ARMH3: variants seen among roughly 807,000 people sequenced by gnomAD.
The protein encoded by ARMH3 is armadillo-like helical domain-containing protein 3.
In ARMH3, 60 loss-of-function variants were observed where a neutral mutation model predicts 99.1. The ratio of observed to expected loss-of-function variants is 0.61; its 90% CI spans 0.49 to 0.75. ARMH3 has a LOEUF of 0.75. Ranked by LOEUF, ARMH3 falls within the 30% of genes least tolerant of loss-of-function variation. The pLI is 0.00. For synonymous variants in ARMH3, 285 were observed against 292.8 expected (o/e 0.97, Z 0.27); for missense variants, 679 against 843.1 (o/e 0.81, Z 2.41).
intron 18 of ARMH3, among the ~76,000 whole-genome samples, chr10:101,991,598 C>T (rs1439206784): frequency 6.6e-6 from 1 of 152,190 alleles, no homozygotes; most frequent in Non-Finnish European, 1.5e-5. Flanking sequence ...CCAAGCTGAT[C>T]TCAAACTCCT....
intron 2 of ARMH3, among the ~76,000 whole-genome samples, chr10:102,036,925 G>A (rs1228913648): frequency 1.3e-5 from 2 of 150,872 alleles, no homozygotes; most frequent in African/African-American, 4.9e-5. Flanking sequence ...GGTGGCATGC[G>A]CCTATAATCC....
chr10:102,006,693 G>T, intron 13 of ARMH3, 60 bp from the exon 14 acceptor site: 1 of 1,498,784 alleles, frequency 6.7e-7, no homozygotes, highest in Non-Finnish European at 9.3e-7. Context: ...TGAGTATCAA[G>T]TGCCTAATAC....
At chr10:102,014,685 T>A (rs1197474735) in intron 8 of ARMH3, among the ~76,000 whole-genome samples, 1 of 152,194 alleles carries the variant, frequency 6.6e-6, no homozygotes, top group East Asian at 1.9e-4. Context: ...GACACTGGAA[T>A]TTAATGATTG....
chr10:101,926,909 G>A (rs534955425), intron 23 of ARMH3, among the ~76,000 whole-genome samples: 10 of 152,240 alleles, frequency 6.6e-5, no homozygotes, highest in Non-Finnish European at 1.2e-4. Context: ...AGAGCTGGCC[G>A]GGAAAGAACA....
chr10:101,944,856 C>G (rs1302900673), intron 22 of ARMH3, among the ~76,000 whole-genome samples: 1 of 151,772 alleles, frequency 6.6e-6, no homozygotes, highest in Non-Finnish European at 1.5e-5. Flanking sequence ...ATATTATGCA[C>G]AGAGAAACAA....
chr10:101,902,000 A>G (rs1314574618), intron 23 of ARMH3, among the ~76,000 whole-genome samples: 1 of 152,196 alleles, frequency 6.6e-6, no homozygotes, highest in East Asian at 1.9e-4. Flanking sequence ...AGCTTTATTA[A>G]TGAGTTAGCA....
chr10:102,003,023 T>C (rs1189073535), intron 14 of ARMH3, among the ~76,000 whole-genome samples: 3 of 151,684 alleles, frequency 2.0e-5, no homozygotes, highest in Non-Finnish European at 4.4e-5. Flanking sequence ...ACATTACTGA[T>C]TGGAACAGCC....
intron 8 of ARMH3, among the ~76,000 whole-genome samples, chr10:102,018,078 C>T (rs560398890): frequency 6.6e-6 from 1 of 152,172 alleles, no homozygotes; most frequent in Non-Finnish European, 1.5e-5. Flanking sequence ...AGTCAGGTTG[C>T]CTCAGTGCAG....
intron 18 of ARMH3, among the ~76,000 whole-genome samples, chr10:101,991,659 G>C (rs1432040145): frequency 1.3e-5 from 2 of 152,180 alleles, no homozygotes; most frequent in Non-Finnish European, 2.9e-5. Flanking sequence ...GTGATTACAG[G>C]TGTGAGCCAC....
intron 22 of ARMH3, among the ~76,000 whole-genome samples, chr10:101,953,614 A>C (rs1844898437): frequency 6.6e-6 from 1 of 151,352 alleles, no homozygotes; most frequent in African/African-American, 2.4e-5. Context: ...TATAGATGGC[A>C]AATAAGGACA....
intron 19 of ARMH3, among the ~76,000 whole-genome samples, chr10:101,979,317 C>T (rs1446408886): frequency 1.3e-5 from 2 of 152,062 alleles, no homozygotes; most frequent in Non-Finnish European, 2.9e-5. Context: ...GGAATGGCTA[C>T]AACATGGATG....
intron 1 of ARMH3, among the ~76,000 whole-genome samples, chr10:102,049,774 C>CTCAA (rs1235478070): frequency 1.3e-5 from 2 of 151,748 alleles, no homozygotes; most frequent in Non-Finnish European, 2.9e-5. Flanking sequence ...CCAGGTTGGT[C>CTCAA]TCAAACTCCT....
intron 24 of ARMH3, among the ~76,000 whole-genome samples, chr10:101,861,945 A>T (rs957813298): frequency 1.4e-5 from 2 of 141,860 alleles, no homozygotes; most frequent in African/African-American, 5.2e-5. Context: ...AGCACTCGGG[A>T]GGCTGAGGCA....
chr10:102,040,123 A>C lies in ARMH3; in HGVS notation c.-9T>G, dbSNP rs2067374903. On this transcript the variant is annotated splice_region_variant and 5_prime_UTR_variant, in exon 2 of 26. It adds an upstream start codon to the 5' untranslated region. Transcript: ENST00000370033. Reference sequence around the variant, plus strand: ...TTCTCTACCTGTGCCATGGTTAGAGAATCTGTGAACAGAAAGTCACATTTT... The same window carrying C: ...TTCTCTACCTGTGCCATGGTTAGAGCATCTGTGAACAGAAAGTCACATTTT... 6.2e-7 allele frequency: 1 copy of C among 1,611,582 alleles called. No individual in the cohort carries two copies. The highest frequency in any genetic ancestry group is 8.5e-7 in the Non-Finnish European group (1 of 1,177,718).
At position 102,009,410 on chromosome 10, in the gene ARMH3, A is replaced by G; in HGVS notation, c.918T>C (p.Val306=). 2 of 1,614,140 alleles carry G rather than the reference A, an allele frequency of 1.2e-6. No homozygotes were observed. Among genetic ancestry groups the G allele is most frequent in the Non-Finnish European group, 1.7e-6 (2 of 1,179,994 alleles). ...EAILLALYEA[V]HLNRNFITVL... is the part of the protein sequence containing the mutation. ...CTGTGATGAAGTTGCGATTTAAATGAACAGCTTCATAAAGTGCCAGAAGAA... is the reference window on the plus strand; with the variant it reads ...CTGTGATGAAGTTGCGATTTAAATGGACAGCTTCATAAAGTGCCAGAAGAA... Residue 306 remains valine (V), a synonymous_variant, in exon 13 of 26, where the codon GTT becomes GTC. Transcript: ENST00000370033.
At chr10:101,888,981 A>G (rs781359479) in intron 24 of ARMH3, among the ~76,000 whole-genome samples, 3 of 152,212 alleles carry the variant, frequency 2.0e-5, no homozygotes, top group Non-Finnish European at 4.4e-5. Flanking sequence ...ATTACTAAGG[A>G]AAATCTGTCC....
At chr10:101,922,214 T>TTC (rs1487415675) in intron 23 of ARMH3, among the ~76,000 whole-genome samples, 1 of 152,208 alleles carries the variant, frequency 6.6e-6, no homozygotes, top group Non-Finnish European at 1.5e-5. Context: ...GAAATAAAGA[T>TTC]TGAGTTTCAG....
intron 3 of ARMH3, 46 bp downstream of exon 3, chr10:102,033,237 G>A (rs2067175483): frequency 1.2e-6 from 2 of 1,613,168 alleles, no homozygotes; most frequent in Non-Finnish European, 1.7e-6. Flanking sequence ...ATATGAGAAG[G>A]CAATTTTAGT....
chr10:101,976,514 C>T (rs191405839), intron 19 of ARMH3, among the ~76,000 whole-genome samples: 78 of 151,814 alleles, frequency 5.1e-4, no homozygotes, highest in South Asian at 1.9e-3. Flanking sequence ...ATCAATTAGG[C>T]GCCACTGACG....
Sources: gnomAD v4.1 joint callset for allele counts (sites outside exome capture counted in the v4.1 genomes callset) on GRCh38, gnomAD v4.1.1 for gene constraint, MANE v1.5 for transcripts, NCBI Gene and HGNC (gene_info 2026-07-23, HGNC 2026-07-21) for gene names.